The following PIEZO2 variants were observed in gnomAD, a reference collection of about 807,000 sequenced individuals.
The protein encoded by PIEZO2 is piezo type mechanosensitive ion channel component 2, also known as piezo-type mechanosensitive ion channel component 2.
A neutral mutation model predicts 337.3 loss-of-function variants in PIEZO2; 172 were observed. The observed-to-expected ratio is 0.51, with a 90% confidence interval of 0.45 to 0.58. PIEZO2 has a LOEUF of 0.58. PIEZO2 is among the 20% of genes least tolerant of loss of function. The pLI is 0.00. For synonymous variants in PIEZO2, 1,251 were observed against 1,228.5 expected, an observed-to-expected ratio of 1.02 and a Z score of -0.38; for missense variants, 3,028 against 3,391.3, an observed-to-expected ratio of 0.89 and a Z score of 2.66.
chr18:10,992,102 T>A (rs1039739544), intron 2 of PIEZO2, among the ~76,000 whole-genome samples: 13 of 152,230 alleles, frequency 8.5e-5, no homozygotes, highest in African/African-American at 3.1e-4. Context: ...GTAAATTTGT[T>A]TAAGCTCTTT....
intron 54 of PIEZO2, among the ~76,000 whole-genome samples, chr18:10,674,863 G>A (rs1012388587): frequency 6.6e-6 from 1 of 152,168 alleles, no homozygotes; most frequent in African/African-American, 2.4e-5. Flanking sequence ...TTCTTATTGT[G>A]AGGGGCAGAC....
In PIEZO2 at chr18:11,092,871, A is replaced by G. The variant is rs568256774; in HGVS notation, c.65-26649T>C. 1.3e-5 allele frequency among the ~76,000 whole-genome samples: 2 copies of G among 152,312 alleles called. No homozygotes were observed. The highest frequency in any genetic ancestry group is 4.1e-4 in the South Asian group (2 of 4,830). ...CCAGGGAGCAATCGCCAGCTCTCAC[A>G]TCTCTTGCTATTCCCCCTCAAGAAC... is the stretch of plus-strand genomic sequence containing the variant. On this transcript the variant is annotated intron_variant, in intron 1 of 55. Transcript: ENST00000674853. The surrounding 1 kb of genome is among the most constrained non-coding windows in gnomAD (Gnocchi z 4.5).
At chr18:10,685,378 C>T (rs2034503704) in intron 49 of PIEZO2, among the ~76,000 whole-genome samples, 1 of 152,164 alleles carries the variant, frequency 6.6e-6, no homozygotes, top group African/African-American at 2.4e-5. Flanking sequence ...GGCTAATATC[C>T]TGAAGTAGCC....
intron 9 of PIEZO2, among the ~76,000 whole-genome samples, chr18:10,802,003 G>A (rs942412061): frequency 6.7e-6 from 1 of 149,912 alleles, no homozygotes; most frequent in Non-Finnish European, 1.5e-5. Context: ...GGAGAATGGC[G>A]TGAACCCGGG....
At chr18:11,022,236 C>G (rs1054993428) in intron 2 of PIEZO2, among the ~76,000 whole-genome samples, 2 of 152,124 alleles carry the variant, frequency 1.3e-5, no homozygotes, top group African/African-American at 2.4e-5. Context: ...CAGGCCTGAC[C>G]TTTGGAGTGG....
intron 36 of PIEZO2, chr18:10,725,269 A>C: frequency 6.4e-7 from 1 of 1,567,008 alleles, no homozygotes; most frequent in South Asian, 1.1e-5. Flanking sequence ...GCTGCTCACC[A>C]AGTGCCAGAT....
chr18:10,807,677 A>T (rs567107210), intron 7 of PIEZO2, among the ~76,000 whole-genome samples: 1 of 152,300 alleles, frequency 6.6e-6, no homozygotes, highest in South Asian at 2.1e-4. Context: ...AGTCCAGCTA[A>T]ATGAGCAAAT....
intron 36 of PIEZO2, chr18:10,725,055 C>A (rs890579003): frequency 1.9e-5 from 29 of 1,555,416 alleles, no homozygotes; most frequent in African/African-American, 2.7e-5. Flanking sequence ...TGCGGCCAAC[C>A]AACGTGGACC....
At chr18:10,947,366 T>C (rs777399015) in intron 3 of PIEZO2, among the ~76,000 whole-genome samples, 2 of 152,156 alleles carry the variant, frequency 1.3e-5, no homozygotes, top group African/African-American at 4.8e-5. Flanking sequence ...ATTTTTCAAG[T>C]TCAGTACTGA....
chr18:11,137,494 G>C (rs10853195), intron 1 of PIEZO2, among the ~76,000 whole-genome samples: 51,391 of 152,116 alleles, frequency 0.34, 9,231 homozygotes, highest in East Asian at 0.46. Context: ...GAAAAACAGA[G>C]AGTTTCTGTA....
chr18:10,793,873 C>T (rs908810307), intron 13 of PIEZO2, among the ~76,000 whole-genome samples: 3 of 152,116 alleles, frequency 2.0e-5, no homozygotes, highest in African/African-American at 7.2e-5. Flanking sequence ...TCATTTACCC[C>T]AGTAGCTCTT....
chr18:10,919,480 T>C (rs1413796422), intron 3 of PIEZO2, among the ~76,000 whole-genome samples: 5 of 152,148 alleles, frequency 3.3e-5, no homozygotes, highest in Non-Finnish European at 1.5e-5. Flanking sequence ...CAAGAAGGTA[T>C]TGAATGAGTT....
intron 10 of PIEZO2, 33 bp from the exon 11 acceptor site, chr18:10,800,508 A>T (rs2039774949): frequency 2.0e-6 from 3 of 1,503,684 alleles, no homozygotes; most frequent in Non-Finnish European, 2.7e-6. Flanking sequence ...GACAACTGTT[A>T]CAGCAGCTCT....
intron 3 of PIEZO2, among the ~76,000 whole-genome samples, chr18:10,913,802 G>A (rs1265511550): frequency 2.0e-5 from 3 of 152,024 alleles, no homozygotes; most frequent in Non-Finnish European, 4.4e-5. Flanking sequence ...GTGGCAGAAC[G>A]ACTTCTTTCT....
intron 3 of PIEZO2, among the ~76,000 whole-genome samples, chr18:10,913,030 G>A (rs771869311): frequency 4.6e-5 from 7 of 151,696 alleles, no homozygotes; most frequent in Non-Finnish European, 1.0e-4. Flanking sequence ...TGGCCCAGGG[G>A]AGTGGGTCCC....
At chr18:10,808,474 C>T (rs74827680) in intron 7 of PIEZO2, among the ~76,000 whole-genome samples, 12,201 of 152,196 alleles carry the variant, frequency 0.08, 601 homozygotes, top group African/African-American at 0.13. Context: ...TGCATGCCTT[C>T]CACTTGTAAA....
chr18:10,788,489 G>A (rs932462513), intron 15 of PIEZO2, among the ~76,000 whole-genome samples: 2 of 110,004 alleles, frequency 1.8e-5, no homozygotes, highest in African/African-American at 6.7e-5. Flanking sequence ...AAATAGAAAT[G>A]TAATTCAATT....
chr18:10,921,318 AG>A (rs1003926634), intron 3 of PIEZO2, among the ~76,000 whole-genome samples: 2 of 152,176 alleles, frequency 1.3e-5, no homozygotes, highest in African/African-American at 2.4e-5. Flanking sequence ...CCCCAAACAG[AG>A]GGACCGGCTG....
intron 33 of PIEZO2, chr18:10,740,682 TAA>T (rs1252526012): frequency 7.7e-6 from 3 of 389,550 alleles, no homozygotes; most frequent in Non-Finnish European, 1.4e-5. Context: ...TATTTAGCCA[TAA>T]AATATGTATG....
Sources: gnomAD v4.1 joint callset for allele counts (sites outside exome capture counted in the v4.1 genomes callset) on GRCh38, gnomAD v4.1.1 for gene constraint, Gnocchi (gnomAD v3.1) non-coding constraint, MANE v1.5 for transcripts, NCBI Gene and HGNC (gene_info 2026-07-23, HGNC 2026-07-21) for gene names.